Variants in FGF14 observed in about 807,000 individuals in gnomAD.
FGF14 encodes the protein fibroblast growth factor 14, also known as fibroblast growth factor homologous factor 4.
In FGF14, 5 loss-of-function variants were observed where a neutral mutation model predicts 25.5. That is an observed-to-expected ratio of 0.20 (90% CI 0.10 to 0.41). The LOEUF (loss-of-function observed/expected upper bound fraction) is 0.41, where lower values mean the gene tolerates loss of function less well. Ranked by LOEUF, FGF14 falls within the 10% of genes least tolerant of loss-of-function variation. FGF14 has a pLI of 1.00. For synonymous variants in FGF14, 138 were observed against 118.3 expected, an observed-to-expected ratio of 1.17 and a Z score of -1.08; for missense variants, 222 against 320.1, an observed-to-expected ratio of 0.69 and a Z score of 2.34.
chr13:102,141,847 G>T (rs1047414564), intron 1 of FGF14, among the ~76,000 whole-genome samples: 1 of 152,094 alleles, frequency 6.6e-6, no homozygotes, highest in African/African-American at 2.4e-5. Flanking sequence ...TCTGGGAAAA[G>T]GTTTTGAAAA....
intron 1 of FGF14, among the ~76,000 whole-genome samples, chr13:102,331,464 C>A (rs2056630555): frequency 6.6e-6 from 1 of 152,168 alleles, no homozygotes; most frequent in Admixed American, 6.5e-5. Flanking sequence ...CTGTAGTTCA[C>A]AATGCTCCTA....
At chr13:102,008,403 C>T (rs1423195844) in intron 1 of FGF14, among the ~76,000 whole-genome samples, 1 of 152,202 alleles carries the variant, frequency 6.6e-6, no homozygotes, top group Non-Finnish European at 1.5e-5. Flanking sequence ...GACCTCAGTA[C>T]TCAACAGTGC....
At chr13:102,155,297 A>T (rs1391209433) in intron 1 of FGF14, among the ~76,000 whole-genome samples, 1 of 152,242 alleles carries the variant, frequency 6.6e-6, no homozygotes, top group African/African-American at 2.4e-5. Context: ...AAAGGATAGA[A>T]ATTATAACAA....
chr13:101,931,586 G>A (rs1389107688), intron 1 of FGF14, among the ~76,000 whole-genome samples: 1 of 152,096 alleles, frequency 6.6e-6, no homozygotes, highest in Non-Finnish European at 1.5e-5. Flanking sequence ...TTTGTTCACT[G>A]TGCATCCAGT....
At chr13:102,333,341 G>A (rs1366124545) in intron 1 of FGF14, among the ~76,000 whole-genome samples, 2 of 152,168 alleles carry the variant, frequency 1.3e-5, no homozygotes, top group Non-Finnish European at 2.9e-5. Flanking sequence ...TCATAGATCT[G>A]CAAGCAAGGT....
intron 1 of FGF14, among the ~76,000 whole-genome samples, chr13:102,308,655 T>C (rs1178255762): frequency 2.0e-5 from 3 of 152,230 alleles, no homozygotes; most frequent in Non-Finnish European, 2.9e-5. Context: ...TCATTTTACA[T>C]GTCTGCCTCC....
At chr13:102,337,024 T>C (rs1455682792) in intron 1 of FGF14, among the ~76,000 whole-genome samples, 1 of 152,234 alleles carries the variant, frequency 6.6e-6, no homozygotes, top group Non-Finnish European at 1.5e-5. Context: ...GTTGTTTTCA[T>C]GCCTGTTAAC....
At chr13:101,833,260 A>C (rs1331304472) in intron 3 of FGF14, among the ~76,000 whole-genome samples, 1 of 152,068 alleles carries the variant, frequency 6.6e-6, no homozygotes, top group East Asian at 1.9e-4. Context: ...ATACACAAAT[A>C]CTTTTCAGAA....
chr13:101,762,393 C>T (rs577689772), intron 3 of FGF14, among the ~76,000 whole-genome samples: 1 of 152,252 alleles, frequency 6.6e-6, no homozygotes, highest in East Asian at 1.9e-4. Flanking sequence ...AAACAAGAAA[C>T]TCACACATTT....
At chr13:102,119,315 C>T (rs78849428) in intron 1 of FGF14, among the ~76,000 whole-genome samples, 8,879 of 152,200 alleles carry the variant, frequency 0.058, 507 homozygotes, top group East Asian at 0.2. Flanking sequence ...CTGGCTGAGT[C>T]TTCCAAACAG....
At chr13:102,376,668 C>A (rs1424712065) in intron 1 of FGF14, among the ~76,000 whole-genome samples, 2 of 152,124 alleles carry the variant, frequency 1.3e-5, no homozygotes, top group African/African-American at 4.8e-5. Context: ...CTGTAACATT[C>A]TAAATAATAA....
chr13:102,396,665 T>G (rs2058591892), intron 1 of FGF14, among the ~76,000 whole-genome samples: 1 of 152,218 alleles, frequency 6.6e-6, no homozygotes, highest in Non-Finnish European at 1.5e-5. Context: ...TTGAACAAAT[T>G]TTCTCAGTTA....
chr13:102,143,764 T>C (rs1033210456), intron 1 of FGF14, among the ~76,000 whole-genome samples: 3 of 152,272 alleles, frequency 2.0e-5, no homozygotes, highest in South Asian at 4.1e-4. Flanking sequence ...AAAATACATA[T>C]ATAAAGAAAT....
At chr13:102,131,115 CAT>C (rs1324469033) in intron 1 of FGF14, among the ~76,000 whole-genome samples, 2 of 152,178 alleles carry the variant, frequency 1.3e-5, no homozygotes, top group Non-Finnish European at 2.9e-5. Context: ...GGTGTCCCCT[CAT>C]AGACATGAAT....
chr13:101,819,683 T>A (rs1291367419), intron 3 of FGF14, among the ~76,000 whole-genome samples: 1 of 152,268 alleles, frequency 6.6e-6, no homozygotes, highest in Non-Finnish European at 1.5e-5. Context: ...AGGTATCTCC[T>A]ATTTTCTAGC....
intron 3 of FGF14, among the ~76,000 whole-genome samples, chr13:101,761,371 C>T (rs1255847476): frequency 6.6e-6 from 1 of 152,020 alleles, no homozygotes; most frequent in Admixed American, 6.6e-5. Flanking sequence ...GAAAGTTATA[C>T]CACAATCTAT....
Position 102,324,527 on chromosome 13 carries a change from GC to G in FGF14, c.208+76943del, listed in dbSNP as rs1437592125. 1.6e-3 allele frequency among the ~76,000 whole-genome samples: 246 copies of G among 152,284 alleles called. 2 individuals carry two copies. Among genetic ancestry groups the G allele is most frequent in the African/African-American group, 5.5e-3 (227 of 41,554 alleles). On this transcript the variant is annotated intron_variant, in intron 1 of 4. Coordinates refer to the FGF14 transcript ENST00000376131. ...TAGCTTTCTTCCCACCCCTTGTGGAGCTTTAATGCTAGTGGTCCTTGTCAGG... is the reference window on the plus strand; with the variant it reads ...TAGCTTTCTTCCCACCCCTTGTGGAGTTTAATGCTAGTGGTCCTTGTCAGG...
At chr13:101,951,344 A>G (rs10508079) in intron 1 of FGF14, among the ~76,000 whole-genome samples, 6,802 of 152,266 alleles carry the variant, frequency 0.045, 190 homozygotes, top group Non-Finnish European at 0.069. Context: ...GGGTGATGAA[A>G]GTCTAAGCAT....
At chr13:101,965,796 C>A (rs2037157842) in intron 1 of FGF14, among the ~76,000 whole-genome samples, 1 of 151,712 alleles carries the variant, frequency 6.6e-6, no homozygotes. Flanking sequence ...ATAAGGCAAT[C>A]AATTTTAAGG....
Sources: allele counts gnomAD v4.1 joint callset (sites outside exome capture counted in the v4.1 genomes callset), GRCh38; gene constraint gnomAD v4.1.1; transcripts MANE v1.5; gene names NCBI Gene and HGNC (gene_info 2026-07-23, HGNC 2026-07-21).